The following RBFOX1 variants were observed in gnomAD, a reference collection of about 807,000 sequenced individuals.
RBFOX1 encodes RNA binding fox-1 homolog 1, also known as RNA binding protein fox-1 homolog 1.
RBFOX1 carries 8 observed loss-of-function variants against 57.7 expected under a neutral mutation model. That is an observed-to-expected ratio of 0.14 (90% CI 0.08 to 0.25). RBFOX1 has a LOEUF of 0.25. Ranked by LOEUF, RBFOX1 falls within the 10% of genes least tolerant of loss-of-function variation. The pLI is 1.00. For synonymous variants in RBFOX1, 326 were observed against 222.4 expected (o/e 1.47, Z -4.15); for missense variants, 611 against 548.5 (o/e 1.11, Z -1.14).
intron 1 of RBFOX1, among the ~76,000 whole-genome samples, chr16:6,200,356 C>T (rs1328172907): frequency 6.6e-6 from 1 of 151,736 alleles, no homozygotes; most frequent in Non-Finnish European, 1.5e-5. Context: ...TAAGCATCTG[C>T]GATGTAGTAG....
At chr16:6,780,581 T>C (rs1399062320) in intron 3 of RBFOX1, among the ~76,000 whole-genome samples, 1 of 140,670 alleles carries the variant, frequency 7.1e-6, no homozygotes, top group Admixed American at 7.7e-5. Context: ...TTTATATATA[T>C]ATTTATATAT....
In RBFOX1 at chr16:7,487,896, C is replaced by T. The variant is rs563850072; in HGVS notation, c.28-30251C>T. On this transcript the variant is annotated intron_variant, in intron 4 of 15. Coordinates refer to ENST00000550418, the MANE Select transcript of RBFOX1 (RefSeq NM_018723.4). The stretch of plus-strand genomic sequence containing the variant: ...AGTCAATCTCAATTCCAAGGAAAAG[C>T]AAATCTATTACCAGCGTCCGATAAT... Among the ~76,000 whole-genome samples, 17 of 152,206 alleles carry T rather than the reference C, an allele frequency of 1.1e-4. No homozygotes were observed. The South Asian group carries it at 3.5e-3, about 32-fold the overall frequency.
chr16:7,386,172 A>T (rs1392524142), intron 4 of RBFOX1, among the ~76,000 whole-genome samples: 1 of 152,032 alleles, frequency 6.6e-6, no homozygotes, highest in African/African-American at 2.4e-5. Context: ...GAGATATCAG[A>T]TGTAGGGCAA....
chr16:6,750,032 T>G (rs745758871), intron 3 of RBFOX1, among the ~76,000 whole-genome samples: 1 of 152,140 alleles, frequency 6.6e-6, no homozygotes, highest in Admixed American at 6.6e-5. Flanking sequence ...AAAGTCATCT[T>G]TGAAATTGAT....
At chr16:7,448,494 C>A (rs1255702823) in intron 4 of RBFOX1, among the ~76,000 whole-genome samples, 1 of 152,154 alleles carries the variant, frequency 6.6e-6, no homozygotes, top group Non-Finnish European at 1.5e-5. Context: ...AAACCATCAG[C>A]TCTCATAAGA....
chr16:6,329,837 C>T (rs1241467749), intron 2 of RBFOX1, among the ~76,000 whole-genome samples: 2 of 152,096 alleles, frequency 1.3e-5, no homozygotes, highest in Non-Finnish European at 2.9e-5. Flanking sequence ...ACTTGGGAGG[C>T]TGAGGTAGGA....
At chr16:5,479,260 C>G (rs1486885259) in intron 2 of RBFOX1, among the ~76,000 whole-genome samples, 2 of 152,088 alleles carry the variant, frequency 1.3e-5, no homozygotes, top group African/African-American at 4.8e-5. Flanking sequence ...GCCTTGTTGC[C>G]AATCAGATGA....
chr16:7,572,712 G>A (rs991408726), intron 5 of RBFOX1, among the ~76,000 whole-genome samples: 12 of 152,200 alleles, frequency 7.9e-5, no homozygotes, highest in African/African-American at 2.9e-4. Flanking sequence ...AGTGGCTGGC[G>A]CCTGTAGTCA....
intron 4 of RBFOX1, among the ~76,000 whole-genome samples, chr16:7,269,055 A>AG (rs1255565907): frequency 1.3e-5 from 2 of 149,996 alleles, no homozygotes; most frequent in African/African-American, 4.9e-5. Flanking sequence ...AAAAAAAAAA[A>AG]AAAAAAAAAA....
At chr16:7,461,654 C>T (rs980816851) in intron 4 of RBFOX1, among the ~76,000 whole-genome samples, 1 of 152,132 alleles carries the variant, frequency 6.6e-6, no homozygotes. Flanking sequence ...TCTTGGAATT[C>T]ATAACAACCC....
intron 2 of RBFOX1, among the ~76,000 whole-genome samples, chr16:6,474,755 C>A (rs2095246720): frequency 6.6e-6 from 1 of 152,156 alleles, no homozygotes; most frequent in Non-Finnish European, 1.5e-5. Context: ...AATATGGATT[C>A]ATGTAAGCTT....
intron 12 of RBFOX1, among the ~76,000 whole-genome samples, chr16:7,658,991 C>A (rs201300833): frequency 6.6e-6 from 1 of 152,202 alleles, no homozygotes; most frequent in Non-Finnish European, 1.5e-5. Context: ...TCCCAAAGTG[C>A]TGGGATTACA....
chr16:6,152,828 G>T (rs1325740076), intron 1 of RBFOX1, among the ~76,000 whole-genome samples: 1 of 152,126 alleles, frequency 6.6e-6, no homozygotes, highest in African/African-American at 2.4e-5. Flanking sequence ...TCTTAGAGAT[G>T]AGAGAAACAG....
chr16:6,427,261 C>G (rs1367355484), intron 2 of RBFOX1, among the ~76,000 whole-genome samples: 1 of 152,150 alleles, frequency 6.6e-6, no homozygotes, highest in Non-Finnish European at 1.5e-5. Flanking sequence ...CCTGTGGATC[C>G]TAGGTGATAA....
At chr16:6,624,541 T>C (rs2098277409) in intron 2 of RBFOX1, among the ~76,000 whole-genome samples, 1 of 152,136 alleles carries the variant, frequency 6.6e-6, no homozygotes, top group Non-Finnish European at 1.5e-5. Context: ...AGAGTGATAT[T>C]TTGTCCCTTG....
chr16:5,673,055 C>G (rs1018457968), intron 3 of RBFOX1, among the ~76,000 whole-genome samples: 3 of 152,074 alleles, frequency 2.0e-5, no homozygotes, highest in Non-Finnish European at 4.4e-5. Flanking sequence ...CGCCTCCACC[C>G]GCTTCCAGCG....
At chr16:7,611,075 T>C (rs1020857140) in intron 10 of RBFOX1, among the ~76,000 whole-genome samples, 2 of 152,252 alleles carry the variant, frequency 1.3e-5, no homozygotes, top group African/African-American at 2.4e-5. Flanking sequence ...GGTTGTGTGT[T>C]AATGACATGT....
At chr16:7,596,136 C>G (rs554121008) in intron 8 of RBFOX1, among the ~76,000 whole-genome samples, 45 of 3,622 alleles carry the variant, frequency 0.012, no homozygotes, top group Admixed American at 0.022. Flanking sequence ...GAAAAAAAAA[C>G]AAAAAAAAAA....
Position 7,162,567 on chromosome 16 carries a change from T to TAAA in RBFOX1, c.27+110486_27+110488dup, listed in dbSNP as rs1176692946. Reference sequence around the variant, plus strand: ...CAACATGGTGAAACCCTGTCTCTACTAAAAAAAAAAAAAAAAAAACATTGC... The same window carrying TAAA: ...CAACATGGTGAAACCCTGTCTCTACTAAAAAAAAAAAAAAAAAAAAAACATTGC... On this transcript the variant is annotated intron_variant, in intron 4 of 15. Coordinates refer to ENST00000550418, the MANE Select transcript of RBFOX1 (RefSeq NM_018723.4). Among the ~76,000 whole-genome samples the TAAA allele has an allele frequency of 1.9e-3, 201 of 107,768 alleles. 2 individuals carry two copies. The highest frequency in any genetic ancestry group is 5.8e-3 in the African/African-American group (178 of 30,770). 70.7% of individuals were successfully genotyped at this position (107,768 alleles called of 152,430 possible). A position where few individuals can be genotyped will look rare whatever the true frequency, so the allele number is the denominator to read the frequency against.
Sources: gnomAD v4.1 joint callset for allele counts (sites outside exome capture counted in the v4.1 genomes callset) on GRCh38, gnomAD v4.1.1 for gene constraint, MANE v1.5 for transcripts, NCBI Gene and HGNC (gene_info 2026-07-23, HGNC 2026-07-21) for gene names.